Variants in EGFR observed in about 807,000 individuals in gnomAD.
EGFR encodes the protein avian erythroblastic leukemia viral (v-erb-b) oncogene homolog.
A neutral mutation model predicts 143.0 loss-of-function variants in EGFR; 58 were observed. The observed-to-expected ratio is 0.41, with a 90% CI of 0.33 to 0.50. EGFR has a LOEUF of 0.50. Ranked by LOEUF, EGFR falls within the 20% of genes least tolerant of loss-of-function variation. The pLI is 0.39. For missense variants in EGFR, 1,307 were observed against 1,579.0 expected, an observed-to-expected ratio of 0.83 and a Z score of 2.92; for synonymous variants, 613 against 594.4, an observed-to-expected ratio of 1.03 and a Z score of -0.45.
At chr7:55,071,849 T>A (rs886641048) in intron 1 of EGFR, among the ~76,000 whole-genome samples, 19 of 152,268 alleles carry the variant, frequency 1.2e-4, no homozygotes, top group Admixed American at 3.3e-4. Context: ...TACAAAGATG[T>A]TCCAGAATGT....
intron 1 of EGFR, among the ~76,000 whole-genome samples, chr7:55,137,473 A>C (rs1794210026): frequency 6.6e-6 from 1 of 152,240 alleles, no homozygotes; most frequent in Non-Finnish European, 1.5e-5. Context: ...GAGGAAGGCC[A>C]CAGGGCCTAC....
intron 3 of EGFR, among the ~76,000 whole-genome samples, chr7:55,145,039 TGA>T (rs1794686828): frequency 6.6e-6 from 1 of 152,224 alleles, no homozygotes; most frequent in African/African-American, 2.4e-5. Context: ...TTAGTTAATG[TGA>T]TACCATTAAT....
At chr7:55,081,302 C>T (rs1182205061) in intron 1 of EGFR, among the ~76,000 whole-genome samples, 2 of 152,180 alleles carry the variant, frequency 1.3e-5, no homozygotes, top group Non-Finnish European at 1.5e-5. Flanking sequence ...CACACCGTAA[C>T]GGAGATACTC....
At chr7:55,169,719 G>T (rs978346028) in intron 15 of EGFR, among the ~76,000 whole-genome samples, 1 of 152,056 alleles carries the variant, frequency 6.6e-6, no homozygotes, top group African/African-American at 2.4e-5. Flanking sequence ...GCCTTCTGAC[G>T]CTCTCACATC....
At chr7:55,141,486 C>T (rs542824469) in intron 1 of EGFR, among the ~76,000 whole-genome samples, 5 of 152,192 alleles carry the variant, frequency 3.3e-5, no homozygotes, top group African/African-American at 7.2e-5. Context: ...ACTGTGCCTC[C>T]GCCTGTGCTG....
At chr7:55,168,703 A>G (rs1786193002) in intron 15 of EGFR, 1 of 960,514 alleles carries the variant, frequency 1.0e-6, no homozygotes, top group East Asian at 2.6e-5. Context: ...GCCTTTTTAG[A>G]TGAGTATATA....
Position 55,205,338 on chromosome 7 carries a change from G to A in EGFR, c.3354G>A (p.Ala1118=), listed in dbSNP as rs199838215. ...ATCACAATCAGCCTCTGAACCCCGC[G>A]CCCAGCAGAGACCCACACTACCAGG... ...PVYHNQPLNP[A]PSRDPHYQDP... Residue 1118 remains alanine (A), a synonymous_variant, in exon 28 of 28, where the codon GCG becomes GCA. Coordinates refer to ENST00000275493, the MANE Select transcript of EGFR (RefSeq NM_005228.5). 6.4e-5 allele frequency: 103 copies of A among 1,611,760 alleles called. No homozygotes were observed. The highest frequency in any genetic ancestry group is 2.0e-4 in the African/African-American group (15 of 74,618).
intron 1 of EGFR, among the ~76,000 whole-genome samples, chr7:55,093,163 C>T (rs1237481490): frequency 6.6e-6 from 1 of 152,224 alleles, no homozygotes. Flanking sequence ...GCTCAGGGGT[C>T]CGCTGGGTTC....
intron 1 of EGFR, among the ~76,000 whole-genome samples, chr7:55,055,168 C>A (rs565597886): frequency 1.3e-5 from 2 of 152,296 alleles, no homozygotes; most frequent in South Asian, 2.1e-4. Context: ...CTTCCCACCC[C>A]CTGCTCATCT....
At chr7:55,191,960 G>A (rs2128964908) in intron 21 of EGFR, 86 bp downstream of exon 21, 1 of 1,582,902 alleles carries the variant, frequency 6.3e-7, no homozygotes, top group Admixed American at 1.7e-5. Flanking sequence ...TTTAACACAT[G>A]CAGGGGAGGA....
At chr7:55,030,435 T>C in intron 1 of EGFR, among the ~76,000 whole-genome samples, 1 of 152,220 alleles carries the variant, frequency 6.6e-6, no homozygotes, top group Admixed American at 6.5e-5. Flanking sequence ...GTGTTATAAC[T>C]GCCCATTCCA....
intron 1 of EGFR, among the ~76,000 whole-genome samples, chr7:55,042,099 G>T (rs1309749460): frequency 1.3e-5 from 2 of 152,178 alleles, no homozygotes; most frequent in African/African-American, 4.8e-5. Flanking sequence ...GTAATTAAAA[G>T]AAATGATTAT....
intron 1 of EGFR, among the ~76,000 whole-genome samples, chr7:55,047,314 G>A (rs553078721): frequency 6.6e-6 from 1 of 152,226 alleles, no homozygotes; most frequent in Non-Finnish European, 1.5e-5. Flanking sequence ...TTTAGAGGAC[G>A]AAGCATTACT....
At chr7:55,158,503 A>C (rs1342794992) in intron 11 of EGFR, among the ~76,000 whole-genome samples, 1 of 152,164 alleles carries the variant, frequency 6.6e-6, no homozygotes, top group Non-Finnish European at 1.5e-5. Context: ...TCTGATACTA[A>C]ATATGTGGCT....
chr7:55,056,030 T>C (rs117652671), intron 1 of EGFR, among the ~76,000 whole-genome samples: 57 of 152,258 alleles, frequency 3.7e-4, no homozygotes, highest in South Asian at 1.0e-3. Flanking sequence ...GCTCTGTGAT[T>C]CATTCGTTCC....
rs2128938705 is a variant in EGFR, at chr7:55,156,781, C to T, written c.1156C>T (p.Pro386Ser). ...CAGTGACTCCTTCACACATACTCCT[C>T]CTCTGGATCCACAGGAACTGGATAT... ...FRGDSFTHTP[P>S]LDPQELDILK... Residue 386 changes from proline (P) to serine (S), a missense_variant, in exon 10 of 28, where the codon CCT becomes TCT. Pro to Ser is a moderately conservative substitution (Grantham distance 74). This residue lies in a region of EGFR where 250 missense variants were observed against 295.1 expected (regional missense o/e 0.85). Transcript: ENST00000275493. The T allele has an allele frequency of 6.2e-7, 1 of 1,614,200 alleles. No individual in the cohort carries two copies. The highest frequency in any genetic ancestry group is 1.3e-5 in the African/African-American group (1 of 75,040).
At chr7:55,170,728 A>G in intron 15 of EGFR, 1 of 1,491,194 alleles carries the variant, frequency 6.7e-7, no homozygotes. Context: ...TCGCTGCCAG[A>G]TGATTGTTCA....
chr7:55,174,627 G>C (rs938121064), intron 18 of EGFR, 95 bp from the exon 19 acceptor site: 7 of 1,071,116 alleles, frequency 6.5e-6, no homozygotes, highest in East Asian at 2.4e-5. Flanking sequence ...TCACCTTCGG[G>C]GTGCATCGCT....
At chr7:55,204,997 A>T (rs1788053044) in intron 27 of EGFR, among the ~76,000 whole-genome samples, 1 of 152,078 alleles carries the variant, frequency 6.6e-6, no homozygotes, top group Admixed American at 6.5e-5. Flanking sequence ...ACATACACAC[A>T]CACATACACA....
Sources: gnomAD v4.1 joint callset for allele counts (sites outside exome capture counted in the v4.1 genomes callset) on GRCh38, gnomAD v4.1.1 for gene constraint, gnomAD v4.1.1 regional missense constraint, MANE v1.5 for transcripts, NCBI Gene and HGNC (gene_info 2026-07-23, HGNC 2026-07-21) for gene names.